The following TLCD4 variants were observed in gnomAD, a reference collection of about 807,000 sequenced individuals.
TLCD4 encodes TLC domain containing 4.
TLCD4 carries 7 observed loss-of-function variants against 24.2 expected under a neutral mutation model. The ratio of observed to expected loss-of-function variants is 0.29; its 90% confidence interval spans 0.16 to 0.54. TLCD4 has a LOEUF of 0.54. TLCD4 is among the 20% of genes least tolerant of loss of function. The probability of loss-of-function intolerance (pLI) is 0.95; values close to 1 mark genes in which losing one functional copy is unlikely to be tolerated. For missense variants in TLCD4, 259 were observed against 313.9 expected (o/e 0.82, Z 1.32); for synonymous variants, 103 against 106.4 (o/e 0.97, Z 0.20).
chr1:95,127,065 C>T (rs1416972441), intron 1 of TLCD4, among the ~76,000 whole-genome samples: 2 of 152,194 alleles, frequency 1.3e-5, no homozygotes, highest in African/African-American at 4.8e-5. Flanking sequence ...AACTATCTTG[C>T]CATTAGGCAT....
At chr1:95,123,019 G>C (rs1372834862) in intron 1 of TLCD4, among the ~76,000 whole-genome samples, 1 of 151,896 alleles carries the variant, frequency 6.6e-6, no homozygotes, top group East Asian at 1.9e-4. Flanking sequence ...TGTTGCCCCA[G>C]GCTGGTCTTG....
the TLCD4 span, among the ~76,000 whole-genome samples, chr1:95,095,744 G>T: frequency 5.3e-5 from 8 of 152,164 alleles, no homozygotes; most frequent in Admixed American, 6.5e-5. Flanking sequence ...ATAATAAAAA[G>T]AAATCCCTCA....
At chr1:95,098,437 T>C in the TLCD4 span, among the ~76,000 whole-genome samples, 2 of 152,228 alleles carry the variant, frequency 1.3e-5, no homozygotes, top group African/African-American at 4.8e-5. Flanking sequence ...CTTCTCCTGC[T>C]GTTTCCATAA....
chr1:95,132,377 A>G (rs1217115923), intron 1 of TLCD4, among the ~76,000 whole-genome samples: 1 of 150,038 alleles, frequency 6.7e-6, no homozygotes, highest in African/African-American at 2.5e-5. Flanking sequence ...GAATCGCTTG[A>G]ACCCAGGTGG....
intron 6 of TLCD4, 178 bp downstream of exon 6, chr1:95,174,067 C>T (rs1678330758): frequency 1.1e-6 from 1 of 886,776 alleles, no homozygotes; most frequent in African/African-American, 1.7e-5. Flanking sequence ...GTAACTTACC[C>T]AAGTTTCCCT....
At chr1:95,099,033 A>G in the TLCD4 span, among the ~76,000 whole-genome samples, 1 of 141,094 alleles carries the variant, frequency 7.1e-6, no homozygotes, top group Non-Finnish European at 1.5e-5. Flanking sequence ...AGCCTGGGCA[A>G]CAAGAGTGAA....
intron 6 of TLCD4, among the ~76,000 whole-genome samples, chr1:95,181,607 T>TTTA (rs1557697278): frequency 2.7e-3 from 386 of 141,640 alleles, no homozygotes; most frequent in East Asian, 0.021. Context: ...TTATTTATTT[T>TTTA]TTTTTTTGAG....
At chr1:95,165,638 G>T (rs757246299) in intron 5 of TLCD4, among the ~76,000 whole-genome samples, 75 of 152,140 alleles carry the variant, frequency 4.9e-4, no homozygotes, top group Middle Eastern at 6.8e-3. Flanking sequence ...GCTAATTTTT[G>T]TATTTTTTAG....
chr1:95,172,528 C>T (rs1280774949), intron 5 of TLCD4, among the ~76,000 whole-genome samples: 1 of 152,152 alleles, frequency 6.6e-6, no homozygotes, highest in Non-Finnish European at 1.5e-5. Context: ...GCTCCTCTTG[C>T]CTGCTGTTGC....
intron 2 of TLCD4, among the ~76,000 whole-genome samples, chr1:95,147,580 C>T (rs1677386381): frequency 6.6e-6 from 1 of 152,158 alleles, no homozygotes; most frequent in Non-Finnish European, 1.5e-5. Context: ...TATTTTGTAA[C>T]ACACTATTAG....
At chr1:95,187,091 G>A (rs917260739) in intron 6 of TLCD4, among the ~76,000 whole-genome samples, 3 of 152,120 alleles carry the variant, frequency 2.0e-5, no homozygotes, top group African/African-American at 2.4e-5. Context: ...GGAATAGAGC[G>A]AATGTTCACT....
At chr1:95,144,440 A>G (rs1275969647) in intron 2 of TLCD4, among the ~76,000 whole-genome samples, 3 of 152,188 alleles carry the variant, frequency 2.0e-5, no homozygotes, top group Admixed American at 2.0e-4. Context: ...GCATTGGCCA[A>G]CTTAGCCAGA....
chr1:95,101,376 C>G, the TLCD4 span, among the ~76,000 whole-genome samples: 1 of 151,498 alleles, frequency 6.6e-6, no homozygotes, highest in Admixed American at 6.6e-5. Context: ...GTAGCTGGGA[C>G]TACAGGTGCG....
In TLCD4 at chr1:95,117,609, C is replaced by G. The variant is rs984533183; in HGVS notation, c.-20C>G. On this transcript the variant is annotated 5_prime_UTR_variant, in exon 1 of 7. Coordinates refer to ENST00000370203, the MANE Select transcript of TLCD4 (RefSeq NM_152487.3). ...GCCCGCGCGCGACTCGCCCCGGGACCCGGCACAGGTGACGCCGTTTGGAGG... is the reference window on the plus strand; with the variant it reads ...GCCCGCGCGCGACTCGCCCCGGGACGCGGCACAGGTGACGCCGTTTGGAGG... The G allele has an allele frequency of 6.5e-6, 1 of 153,172 alleles. No individual in the cohort carries two copies. The highest frequency in any genetic ancestry group is 2.4e-5 in the African/African-American group (1 of 41,418). The allele number at this position is 153,172 out of a possible 1,614,324, so 9.5% of individuals were successfully genotyped here.
the TLCD4 span, among the ~76,000 whole-genome samples, chr1:95,105,696 C>G: frequency 7.2e-3 from 1,096 of 151,878 alleles, 12 homozygotes; most frequent in African/African-American, 0.025. Context: ...GAGATCGAGA[C>G]CATCCTGGCT....
rs1679167942 is a variant in TLCD4, at chr1:95,195,445, G to A, written c.*3577G>A. On this transcript the variant is annotated 3_prime_UTR_variant, in exon 7 of 7. Transcript: ENST00000370203. The stretch of plus-strand genomic sequence containing the variant: ...CTTAATTCCAAACATTTAAATAAAT[G>A]TGCATTTGAATAGCTTTAGGTGGTT... The A allele has an allele frequency of 6.6e-6, 1 of 152,174 alleles. No individual in the cohort carries two copies. The highest frequency in any genetic ancestry group is 1.5e-5 in the Non-Finnish European group (1 of 68,030). 9.4% of individuals were successfully genotyped at this position (152,174 alleles called of 1,614,324 possible).
At chr1:95,183,554 A>G (rs774280308) in intron 6 of TLCD4, among the ~76,000 whole-genome samples, 6 of 152,176 alleles carry the variant, frequency 3.9e-5, no homozygotes, top group Non-Finnish European at 8.8e-5. Context: ...AGACTGGAAA[A>G]TCAGCCAGGT....
chr1:95,114,264 T>G (rs1181250377), upstream of TLCD4, among the ~76,000 whole-genome samples: 3 of 152,186 alleles, frequency 2.0e-5, no homozygotes, highest in Non-Finnish European at 4.4e-5. Flanking sequence ...CAAACACTCT[T>G]AATACACTAA....
Position 95,179,196 on chromosome 1 carries a change from A to C in TLCD4, c.473+5307A>C, listed in dbSNP as rs1361427846. On this transcript the variant is annotated intron_variant, in intron 6 of 6. Transcript: ENST00000370203. ...ATTAAAAATTCAATTCCTTAGTCTA[A>C]CTTTTGGCATTTCTAGTGCTTTATG... is the stretch of plus-strand genomic sequence containing the variant. 3.3e-5 allele frequency among the ~76,000 whole-genome samples: 5 copies of C among 152,194 alleles called. No individual in the cohort carries two copies. The South Asian group carries it at 8.3e-4, about 25-fold the overall frequency.
Sources: gnomAD v4.1 joint callset for allele counts (sites outside exome capture counted in the v4.1 genomes callset) on GRCh38, gnomAD v4.1.1 for gene constraint, MANE v1.5 for transcripts, NCBI Gene and HGNC (gene_info 2026-07-23, HGNC 2026-07-21) for gene names.